The following RABGAP1L variants were observed in gnomAD, a reference collection of about 807,000 sequenced individuals.
The protein encoded by RABGAP1L is RAB GTPase activating protein 1 like.
In RABGAP1L, 63 loss-of-function variants were observed where a neutral mutation model predicts 137.7. The observed-to-expected ratio is 0.46, with a 90% CI of 0.37 to 0.56. The LOEUF (loss-of-function observed/expected upper bound fraction) is 0.56, where lower values mean the gene tolerates loss of function less well. Ranked by LOEUF, RABGAP1L falls within the 20% of genes least tolerant of loss-of-function variation. RABGAP1L has a pLI of 0.00. For synonymous variants in RABGAP1L, 431 were observed against 433.7 expected (o/e 0.99, Z 0.08); for missense variants, 1,095 against 1,244.0 (o/e 0.88, Z 1.80).
rs530428956 is a variant in RABGAP1L at position 174,456,459 on chromosome 1, AT to A, written c.1710+62317del. On this transcript the variant is annotated intron_variant, in intron 13 of 25. Transcript: ENST00000681986. ...TGTTTTGAATTTTTTTTTGTAATAGATTTGCAATGTTGTTGAGTCATCATCG... is the reference window on the plus strand; with the variant it reads ...TGTTTTGAATTTTTTTTTGTAATAGATTGCAATGTTGTTGAGTCATCATCG... Among the ~76,000 whole-genome samples the A allele has an allele frequency of 3.9e-4, 60 of 151,998 alleles. No homozygotes were observed. In the East Asian group the frequency reaches 9.3e-3, roughly 23 times the overall value.
intron 10 of RABGAP1L, among the ~76,000 whole-genome samples, chr1:174,302,537 A>C (rs1293598831): frequency 6.6e-6 from 1 of 152,222 alleles, no homozygotes. Context: ...CTCTTGATAA[A>C]TCTGTTTTCC....
intron 12 of RABGAP1L, among the ~76,000 whole-genome samples, chr1:174,379,104 C>T (rs1265950743): frequency 2.2e-4 from 32 of 142,724 alleles, no homozygotes; most frequent in African/African-American, 4.8e-4. Flanking sequence ...TGTAGATATG[C>T]GGCGTTATTT....
chr1:174,737,454 T>C (rs1448256608), intron 17 of RABGAP1L, among the ~76,000 whole-genome samples: 1 of 152,154 alleles, frequency 6.6e-6, no homozygotes, highest in Non-Finnish European at 1.5e-5. Flanking sequence ...TGGCCTTCAC[T>C]GTCCATATTT....
chr1:174,463,461 A>G lies in RABGAP1L; in HGVS notation c.1710+69316A>G, dbSNP rs575115445. Among the ~76,000 whole-genome samples the G allele has an allele frequency of 6.7e-5, 10 of 150,112 alleles. No individual in the cohort carries two copies. The East Asian group carries it at 8.0e-4, about 12-fold the overall frequency. Reference sequence around the variant, plus strand: ...CTCACTCATAGGTGGGAATCGAACAATGAGATCACATGGACACAGGAAGGG... The same window carrying G: ...CTCACTCATAGGTGGGAATCGAACAGTGAGATCACATGGACACAGGAAGGG... On this transcript the variant is annotated intron_variant, in intron 13 of 25. Coordinates refer to ENST00000681986, the MANE Select transcript of RABGAP1L (RefSeq NM_001366446.1).
intron 11 of RABGAP1L, among the ~76,000 whole-genome samples, chr1:174,357,285 C>G (rs1297779994): frequency 2.6e-5 from 4 of 152,190 alleles, no homozygotes; most frequent in Admixed American, 1.3e-4. Context: ...TCCTCTTGAT[C>G]AGTCACATCC....
At chr1:174,180,153 T>C (rs16846728) in intron 1 of RABGAP1L, among the ~76,000 whole-genome samples, 9,188 of 152,236 alleles carry the variant, frequency 0.06, 963 homozygotes, top group African/African-American at 0.21. Flanking sequence ...TAGCTTCCAA[T>C]TCAGATCTAT....
At chr1:174,165,791 G>A (rs746373486) in intron 1 of RABGAP1L, among the ~76,000 whole-genome samples, 7 of 152,126 alleles carry the variant, frequency 4.6e-5, no homozygotes, top group African/African-American at 1.4e-4. Context: ...GAGCCACCAC[G>A]CCCGGCCCCT....
chr1:174,720,460 C>T (rs1681431554), intron 17 of RABGAP1L, among the ~76,000 whole-genome samples: 1 of 151,986 alleles, frequency 6.6e-6, no homozygotes, highest in South Asian at 2.1e-4. Flanking sequence ...ACTACAGGTG[C>T]ATGCCACTAT....
chr1:174,602,840 T>C (rs971847955), intron 13 of RABGAP1L, among the ~76,000 whole-genome samples: 2 of 152,168 alleles, frequency 1.3e-5, no homozygotes, highest in African/African-American at 4.8e-5. Flanking sequence ...GGATTCTGAA[T>C]TCTTTTTCTG....
At chr1:174,989,480 C>G (rs1423918325) in intron 25 of RABGAP1L, among the ~76,000 whole-genome samples, 1 of 152,182 alleles carries the variant, frequency 6.6e-6, no homozygotes, top group Non-Finnish European at 1.5e-5. Flanking sequence ...TTCTTTGGAA[C>G]TGGAATTCAT....
intron 14 of RABGAP1L, among the ~76,000 whole-genome samples, chr1:174,645,481 A>G (rs934021701): frequency 6.7e-6 from 1 of 149,982 alleles, no homozygotes; most frequent in Non-Finnish European, 1.5e-5. Flanking sequence ...GAATGAGAAC[A>G]TGTGGTGTTT....
intron 4 of RABGAP1L, among the ~76,000 whole-genome samples, chr1:174,231,588 A>G (rs1670657426): frequency 1.3e-5 from 2 of 152,188 alleles, no homozygotes; most frequent in South Asian, 2.1e-4. Flanking sequence ...ATTGATAAAG[A>G]GAAGAGGTTT....
At chr1:174,676,790 A>G (rs1174060400) in intron 14 of RABGAP1L, among the ~76,000 whole-genome samples, 2 of 152,134 alleles carry the variant, frequency 1.3e-5, no homozygotes, top group Non-Finnish European at 2.9e-5. Context: ...GGTGGTATCT[A>G]TACTAATCTG....
chr1:174,557,900 G>T (rs1215425700), intron 13 of RABGAP1L, among the ~76,000 whole-genome samples: 1 of 152,204 alleles, frequency 6.6e-6, no homozygotes, highest in Non-Finnish European at 1.5e-5. Flanking sequence ...TGGGGTCAGG[G>T]TTATCAGAGG....
chr1:174,414,414 C>G (rs1271787560), intron 13 of RABGAP1L, among the ~76,000 whole-genome samples: 3 of 151,924 alleles, frequency 2.0e-5, no homozygotes, highest in Non-Finnish European at 2.9e-5. Flanking sequence ...GGTTGTATGA[C>G]TTTTAGTTGA....
At chr1:174,982,787 C>G in intron 23 of RABGAP1L, 47 bp from the exon 24 acceptor site, 1 of 1,518,488 alleles carries the variant, frequency 6.6e-7, no homozygotes, top group Middle Eastern at 1.7e-4. Context: ...GTACATGCTG[C>G]AAGAGTTGTT....
At chr1:174,834,914 G>C (rs1338659358) in intron 19 of RABGAP1L, among the ~76,000 whole-genome samples, 4 of 152,158 alleles carry the variant, frequency 2.6e-5, no homozygotes, top group Non-Finnish European at 4.4e-5. Context: ...GCAGGTCCTT[G>C]AAGGCCTTGG....
At chr1:174,850,070 G>A in intron 19 of RABGAP1L, 2 of 538,628 alleles carry the variant, frequency 3.7e-6, no homozygotes, top group Admixed American at 3.9e-5. Context: ...TGGTAGAGGG[G>A]TGTCTGGGAT....
chr1:174,707,321 T>C (rs908694941), intron 17 of RABGAP1L, among the ~76,000 whole-genome samples: 1 of 152,134 alleles, frequency 6.6e-6, no homozygotes, highest in African/African-American at 2.4e-5. Context: ...CATTTGGTGA[T>C]TGGAATGATT....
Sources: allele counts gnomAD v4.1 joint callset (sites outside exome capture counted in the v4.1 genomes callset), GRCh38; gene constraint gnomAD v4.1.1; transcripts MANE v1.5; gene names NCBI Gene and HGNC (gene_info 2026-07-23, HGNC 2026-07-21).